ARHGEF4: variants seen among roughly 807,000 people sequenced by gnomAD.
ARHGEF4 encodes the protein APC-stimulated guanine nucleotide exchange factor 1.
ARHGEF4 carries 119 observed loss-of-function variants against 162.0 expected under a neutral mutation model. The observed-to-expected ratio is 0.73, with a 90% CI of 0.63 to 0.86. The LOEUF is 0.86. ARHGEF4 is among the 40% of genes least tolerant of loss of function. The pLI, the probability that ARHGEF4 is intolerant of heterozygous loss-of-function variation, is 0.00. For synonymous variants in ARHGEF4, 1,014 were observed against 979.9 expected (o/e 1.03, Z -0.65); for missense variants, 2,488 against 2,456.0 (o/e 1.01, Z -0.28).
intron 4 of ARHGEF4, among the ~76,000 whole-genome samples, chr2:131,023,905 C>A (rs116105762): frequency 6.6e-6 from 1 of 152,256 alleles, no homozygotes; most frequent in African/African-American, 2.4e-5. Context: ...GCATGGAATG[C>A]CATGGAATTC....
chr2:130,844,911 A>G (rs947985850), intron 1 of ARHGEF4, among the ~76,000 whole-genome samples: 4 of 151,306 alleles, frequency 2.6e-5, no homozygotes, highest in Admixed American at 6.6e-5. Context: ...TGCAACCTCC[A>G]CCTCCGGGTT....
intron 1 of ARHGEF4, among the ~76,000 whole-genome samples, chr2:130,887,052 G>T (rs773662290): frequency 4.6e-5 from 7 of 152,018 alleles, no homozygotes; most frequent in Non-Finnish European, 8.8e-5. Context: ...AGTCTTAAAA[G>T]TCTTGAAATC....
chr2:130,947,475 C>G (rs1250585842), intron 4 of ARHGEF4, among the ~76,000 whole-genome samples: 1 of 152,132 alleles, frequency 6.6e-6, no homozygotes. Context: ...CTGACTGTCC[C>G]TTCGTCTCGT....
intron 4 of ARHGEF4, among the ~76,000 whole-genome samples, chr2:131,007,572 TTA>T (rs1311917756): frequency 1.3e-5 from 2 of 152,088 alleles, no homozygotes; most frequent in Non-Finnish European, 2.9e-5. Flanking sequence ...CAGAAAATAA[TTA>T]GAGTTAAATT....
chr2:130,871,117 C>T (rs1273065098), intron 1 of ARHGEF4, among the ~76,000 whole-genome samples: 3 of 152,170 alleles, frequency 2.0e-5, no homozygotes, highest in African/African-American at 7.2e-5. Flanking sequence ...AAAGGGGCCC[C>T]GCCTGTGGGT....
Position 130,907,460 on chromosome 2 carries a change from G to A in ARHGEF4, c.40-6526G>A, listed in dbSNP as rs576041904. On this transcript the variant is annotated intron_variant, in intron 1 of 13. Transcript: ENST00000409359. ...TCTCGATCTCCTGACCTCGTGATCC[G>A]CCCACCTCAGCGTCCCAAAGTGCTG... 9.4e-4 allele frequency among the ~76,000 whole-genome samples: 142 copies of A among 151,292 alleles called. 2 individuals carry two copies. Among genetic ancestry groups the A allele is most frequent in the Non-Finnish European group, 1.6e-3 (107 of 67,788 alleles).
At chr2:130,872,996 G>T (rs1047504150) in intron 1 of ARHGEF4, among the ~76,000 whole-genome samples, 2 of 152,200 alleles carry the variant, frequency 1.3e-5, no homozygotes, top group African/African-American at 4.8e-5. Flanking sequence ...TTTAGAGGCT[G>T]CAAGGCAGCA....
At chr2:131,039,529 G>C in intron 6 of ARHGEF4, 1 of 1,033,340 alleles carries the variant, frequency 9.7e-7, no homozygotes, top group Non-Finnish European at 1.2e-6. Flanking sequence ...GCCTGGCTCA[G>C]GGCGTCCAAG....
At chr2:131,011,608 T>G in intron 4 of ARHGEF4, 1 of 1,527,034 alleles carries the variant, frequency 6.5e-7, no homozygotes, top group Non-Finnish European at 8.8e-7. Flanking sequence ...CCCCCATTGG[T>G]CGTTCCTGGT....
chr2:130,991,887 G>C (rs780653954), intron 4 of ARHGEF4, among the ~76,000 whole-genome samples: 7 of 152,260 alleles, frequency 4.6e-5, no homozygotes, highest in Non-Finnish European at 8.8e-5. Flanking sequence ...GGGATCCACT[G>C]GGTGAAGCCA....
chr2:131,043,569 A>G lies in ARHGEF4; in HGVS notation c.5143A>G (p.Ile1715Val). 1.2e-6 allele frequency: 2 copies of G among 1,613,444 alleles called. No homozygotes were observed. Among genetic ancestry groups the G allele is most frequent in the Non-Finnish European group, 1.7e-6 (2 of 1,179,452 alleles). ...GTTCTTTCTCTTTGACCACCAGCTC[A>G]TCTACTGTAAGAAGGTACCAGAGCT... ...RMFFLFDHQL[I>V]YCKKDLLRRD... Residue 1715 changes from isoleucine to valine, a missense_variant, in exon 11 of 14, where the codon ATC becomes GTC. Ile to Val is a conservative substitution (Grantham distance 29, BLOSUM62 3). This residue lies in a region of ARHGEF4 where 415 missense variants were observed against 512.4 expected (regional missense o/e 0.81). Transcript: ENST00000409359.
intron 3 of ARHGEF4, among the ~76,000 whole-genome samples, chr2:130,936,110 G>C (rs1035824707): frequency 4.7e-4 from 72 of 152,204 alleles, no homozygotes; most frequent in Middle Eastern, 3.4e-3. Context: ...AAAGACTTAT[G>C]GTCTTTTCTG....
At chr2:130,852,769 G>A (rs981131060) in intron 1 of ARHGEF4, among the ~76,000 whole-genome samples, 1 of 152,196 alleles carries the variant, frequency 6.6e-6, no homozygotes, top group Non-Finnish European at 1.5e-5. Context: ...GCAGTGGGGA[G>A]ACAGTGAGAT....
intron 1 of ARHGEF4, among the ~76,000 whole-genome samples, chr2:130,899,781 G>A (rs193011852): frequency 1.3e-5 from 2 of 152,296 alleles, no homozygotes; most frequent in East Asian, 3.9e-4. Flanking sequence ...TGGAATCCAA[G>A]GGGGTGGGAG....
Position 131,041,881 on chromosome 2 carries a change from G to A in ARHGEF4, c.4962G>A (p.Arg1654=). 1 of 1,613,662 alleles carries A rather than the reference G, an allele frequency of 6.2e-7. No homozygotes were observed. The highest frequency in any genetic ancestry group is 8.5e-7 in the Non-Finnish European group (1 of 1,180,030). The part of the protein sequence containing the change: ...MKNVAQLINE[R]KRRLENIDKI... ...ACGTGGCCCAGCTCATCAACGAGCGGAAGCGGAGACTTGAGAACATCGACA... is the reference window on the plus strand; with the variant it reads ...ACGTGGCCCAGCTCATCAACGAGCGAAAGCGGAGACTTGAGAACATCGACA... Residue 1654 remains arginine, a synonymous_variant, in exon 10 of 14, where the codon CGG becomes CGA. Transcript: ENST00000409359.
chr2:130,927,170 C>T (rs541744824), intron 2 of ARHGEF4, among the ~76,000 whole-genome samples: 1 of 152,124 alleles, frequency 6.6e-6, no homozygotes, highest in African/African-American at 2.4e-5. Flanking sequence ...GGTGCTTGTC[C>T]AAGATGGTGA....
chr2:130,862,740 C>T (rs1207972922), intron 1 of ARHGEF4, among the ~76,000 whole-genome samples: 9 of 43,434 alleles, frequency 2.1e-4, no homozygotes, highest in East Asian at 7.2e-4. Flanking sequence ...TGATGGCATG[C>T]ACCTGTAATC....
intron 4 of ARHGEF4, among the ~76,000 whole-genome samples, chr2:131,027,418 G>C (rs1689551250): frequency 6.6e-6 from 1 of 152,158 alleles, no homozygotes; most frequent in Non-Finnish European, 1.5e-5. Context: ...GATGGGAATG[G>C]GACTGGAATG....
At chr2:130,940,999 A>G (rs1683265432) in intron 3 of ARHGEF4, among the ~76,000 whole-genome samples, 1 of 152,094 alleles carries the variant, frequency 6.6e-6, no homozygotes, top group African/African-American at 2.4e-5. Context: ...ACTTTATTCT[A>G]TAAGCAGGAG....
Sources: gnomAD v4.1 joint callset for allele counts (sites outside exome capture counted in the v4.1 genomes callset) on GRCh38, gnomAD v4.1.1 for gene constraint, gnomAD v4.1.1 regional missense constraint, MANE v1.5 for transcripts, NCBI Gene and HGNC (gene_info 2026-07-23, HGNC 2026-07-21) for gene names.